The following RASAL1 variants were observed in gnomAD, a reference collection of about 807,000 sequenced individuals.
RASAL1 encodes rasGAP-activating-like protein 1.
A neutral mutation model predicts 96.6 loss-of-function variants in RASAL1; 72 were observed. The observed-to-expected ratio is 0.75, with a 90% CI of 0.62 to 0.91. The LOEUF (loss-of-function observed/expected upper bound fraction) is 0.91. Ranked by LOEUF, RASAL1 falls within the 40% of genes least tolerant of loss-of-function variation. The pLI is 0.00. For missense variants in RASAL1, 1,016 were observed against 1,072.5 expected (o/e 0.95, Z 0.74); for synonymous variants, 405 against 430.4 (o/e 0.94, Z 0.73).
rs192388437 is a variant in RASAL1, at chr12:113,115,595, A to T, written c.1003+40T>A. The stretch of plus-strand genomic sequence containing the variant: ...CCCAGGACCCTCCTGCAAGCCCACC[A>T]TTGAGGGCGGTGATGTCGGGGGTTG... On this transcript the variant is annotated intron_variant, in intron 10 of 20. Transcript: ENST00000548055. The surrounding 1 kb of genome is among the most constrained non-coding windows in gnomAD (Gnocchi z 4.1). 2.4e-5 allele frequency: 38 copies of T among 1,603,964 alleles called. 1 individual carries two copies. In the Admixed American group the frequency reaches 4.7e-4, roughly 20 times the overall value.
chr12:113,101,752 C>T (rs1052271567), intron 19 of RASAL1, 137 bp downstream of exon 19: 3 of 1,164,262 alleles, frequency 2.6e-6, no homozygotes, highest in Non-Finnish European at 3.4e-6. Context: ...ACACCCAGTC[C>T]CCACCCTGGG....
rs755482857 is a variant in RASAL1 at position 113,119,448 on chromosome 12, G to A, written c.429-5C>T. ...ATGTCTCTGGGAGCCAGGTCCCTGG[G>A]AACAGATGGGGAAAGGAGTGAGGAA... On this transcript the variant is annotated splice_polypyrimidine_tract_variant and splice_region_variant and intron_variant, in intron 5 of 20. Coordinates refer to ENST00000548055, the MANE Select transcript of RASAL1 (RefSeq NM_001301202.2). 2.5e-6 allele frequency: 4 copies of A among 1,600,098 alleles called. No homozygotes were observed. The highest frequency in any genetic ancestry group is 2.6e-6 in the Non-Finnish European group (3 of 1,171,694).
intron 8 of RASAL1, 43 bp downstream of exon 8, chr12:113,117,030 G>T (rs777155036): frequency 2.9e-5 from 42 of 1,462,818 alleles, no homozygotes; most frequent in Non-Finnish European, 3.9e-5. Flanking sequence ...ATGCTGCCCG[G>T]CATGGCTCCA....
intron 18 of RASAL1, 115 bp from the exon 19 acceptor site, chr12:113,102,124 A>G (rs2136089649): frequency 3.1e-6 from 4 of 1,306,374 alleles, no homozygotes; most frequent in East Asian, 4.7e-5. Context: ...CCTCAAACCT[A>G]CTACTTCTAG....
chr12:113,128,556 A>T (rs1293378266), intron 2 of RASAL1, among the ~76,000 whole-genome samples: 1 of 151,852 alleles, frequency 6.6e-6, no homozygotes, highest in Non-Finnish European at 1.5e-5. Context: ...ACACACCCAC[A>T]TACAGGGCCC....
At position 113,115,704 on chromosome 12, in the gene RASAL1, G is replaced by C. The variant is rs1403046328; in HGVS notation, c.934C>G (p.Leu312Val). Residue 312 changes from leucine to valine, a missense_variant, in exon 10 of 21, where the codon CTC (leucine) becomes GTC (valine). Coordinates refer to ENST00000548055, the MANE Select transcript of RASAL1 (RefSeq NM_001301202.2). This position sits in a 1 kb window ranked among gnomAD's most constrained non-coding sequence, Gnocchi z 4.1. ...CCAGCCAGTCCCCGGCCAAGAAAGAGTTTCACCAGCTTGGTGGCAAGGTCC... is the reference window on the plus strand; with the variant it reads ...CCAGCCAGTCCCCGGCCAAGAAAGACTTTCACCAGCTTGGTGGCAAGGTCC... ...RQDLATKLVK[L>V]FLGRGLAGRF... is the part of the protein sequence containing the mutation. 1.9e-6 allele frequency: 3 copies of C among 1,614,110 alleles called. No homozygotes were observed. The highest frequency in any genetic ancestry group is 2.7e-5 in the African/African-American group (2 of 75,026).
At chr12:113,133,638 G>C (rs1225291644) in intron 1 of RASAL1, among the ~76,000 whole-genome samples, 3 of 152,178 alleles carry the variant, frequency 2.0e-5, no homozygotes, top group Admixed American at 6.5e-5. Flanking sequence ...CTTAGGAGAA[G>C]AGGGAAAGAA....
In RASAL1 at chr12:113,115,804, A is replaced by T; in HGVS notation, c.850-16T>A. On this transcript the variant is annotated splice_polypyrimidine_tract_variant and intron_variant, in intron 9 of 20. Coordinates refer to ENST00000548055, the MANE Select transcript of RASAL1 (RefSeq NM_001301202.2). The surrounding 1 kb of genome is among the most constrained non-coding windows in gnomAD (Gnocchi z 4.1). Reference sequence around the variant, plus strand: ...CAGTGTCCTCCTGGGTGGGGGCGGGAGACAAAGATGACCTCGGCCCCTGGG... The same window carrying T: ...CAGTGTCCTCCTGGGTGGGGGCGGGTGACAAAGATGACCTCGGCCCCTGGG... The T allele has an allele frequency of 6.2e-7, 1 of 1,613,518 alleles. No homozygotes were observed. The highest frequency in any genetic ancestry group is 1.1e-5 in the South Asian group (1 of 91,064).
chr12:113,111,957 A>G, intron 13 of RASAL1, 129 bp downstream of exon 13: 5 of 824,822 alleles, frequency 6.1e-6, no homozygotes, highest in Non-Finnish European at 8.1e-6. Context: ...CGCTGTCCCC[A>G]CTTCTGCCAG....
chr12:113,116,547 G>A (rs1337005076), intron 8 of RASAL1, among the ~76,000 whole-genome samples: 1 of 152,214 alleles, frequency 6.6e-6, no homozygotes, highest in African/African-American at 2.4e-5. Flanking sequence ...GGGGTAGGCA[G>A]CTGTGAACAG....
intron 4 of RASAL1, among the ~76,000 whole-genome samples, chr12:113,124,663 CCT>C (rs1489568319): frequency 6.6e-6 from 1 of 152,166 alleles, no homozygotes; most frequent in Non-Finnish European, 1.5e-5. Flanking sequence ...AGTCACCTCC[CCT>C]CTCTATGCCT....
At chr12:113,114,955 G>C (rs1457633669) in intron 11 of RASAL1, 43 bp from the exon 12 acceptor site, 1 of 1,465,972 alleles carries the variant, frequency 6.8e-7, no homozygotes, top group Admixed American at 1.7e-5. Context: ...TGAGGGCGAG[G>C]CCGGGGCATG....
At chr12:113,100,600 T>A (rs2136080638) in intron 20 of RASAL1, 28 bp downstream of exon 20, 1 of 1,589,672 alleles carries the variant, frequency 6.3e-7, no homozygotes, top group East Asian at 2.2e-5. Flanking sequence ...CACCCAGCCT[T>A]TACCTTCTGA....
rs974108628 is a variant in RASAL1 at position 113,115,333 on chromosome 12, G to A, written c.1004-69C>T. 1.1e-5 allele frequency: 16 copies of A among 1,397,164 alleles called. No homozygotes were observed. The highest frequency in any genetic ancestry group is 2.8e-5 in the African/African-American group (2 of 70,444). The allele number at this position is 1,397,164 out of a possible 1,614,324, so 86.5% of individuals were successfully genotyped here. On this transcript the variant is annotated intron_variant, in intron 10 of 20. Coordinates refer to ENST00000548055, the MANE Select transcript of RASAL1 (RefSeq NM_001301202.2). The surrounding 1 kb of genome is among the most constrained non-coding windows in gnomAD (Gnocchi z 4.1). ...AACCCAGCTCACCCCACTCACCCAA[G>A]GTGGGAGTCATGATTCTTCCAGCCC...
In RASAL1 at chr12:113,099,457, G is replaced by A. The variant is rs910590106; in HGVS notation, c.*472C>T. The A allele has an allele frequency of 6.6e-6, 1 of 152,546 alleles. No homozygotes were observed. The highest frequency in any genetic ancestry group is 1.5e-5 in the Non-Finnish European group (1 of 68,288). The allele number at this position is 152,546 out of a possible 1,614,324, so 9.4% of individuals were successfully genotyped here. A position where few individuals can be genotyped will look rare whatever the true frequency, so the allele number is the denominator to read the frequency against. ...CTTGTGGTTGGAGTCCTAGGCCAAGGGCAGGGTACAGAAGAATCAGTGAGG... is the reference window on the plus strand; with the variant it reads ...CTTGTGGTTGGAGTCCTAGGCCAAGAGCAGGGTACAGAAGAATCAGTGAGG... On this transcript the variant is annotated 3_prime_UTR_variant, in exon 21 of 21. Transcript: ENST00000548055.
chr12:113,114,633 C>A (rs760431013), intron 12 of RASAL1, among the ~76,000 whole-genome samples, 167 bp downstream of exon 12: 7 of 152,194 alleles, frequency 4.6e-5, no homozygotes, highest in Non-Finnish European at 8.8e-5. Context: ...TACTACACAG[C>A]CTGATGGTTT....
chr12:113,119,232 A>T lies in RASAL1; in HGVS notation c.538T>A (p.Trp180Arg), dbSNP rs757686544. 6.2e-7 allele frequency: 1 copy of T among 1,613,550 alleles called. No homozygotes were observed. Among genetic ancestry groups the T allele is most frequent in the African/African-American group, 1.3e-5 (1 of 75,022 alleles). Residue 180 changes from tryptophan to arginine, a missense_variant, in exon 7 of 21, where the codon TGG (tryptophan) becomes AGG (arginine). By Grantham distance (101) the Trp-to-Arg change is moderately radical (BLOSUM62 -3). Transcript: ENST00000548055. ...TCCCGCAGCTCCAGCACTTCATCCC[A>T]GTGCGGGAAGCGAGTCTTCTTGATG... ...STIKKTRFPH[W>R]DEVLELREMP...
At chr12:113,112,004 T>G in intron 13 of RASAL1, 82 bp downstream of exon 13, 1 of 1,175,308 alleles carries the variant, frequency 8.5e-7, no homozygotes, top group Non-Finnish European at 1.1e-6. Context: ...TAGGTTCTGG[T>G]CACAGTTCTG....
chr12:113,103,017 G>T, intron 18 of RASAL1: 1 of 287,402 alleles, frequency 3.5e-6, no homozygotes, highest in Non-Finnish European at 6.9e-6. Flanking sequence ...CCTCCTCCAG[G>T]AAGCCCTCCT....
Sources: gnomAD v4.1 joint callset for allele counts (sites outside exome capture counted in the v4.1 genomes callset) on GRCh38, gnomAD v4.1.1 for gene constraint, Gnocchi (gnomAD v3.1) non-coding constraint, MANE v1.5 for transcripts, NCBI Gene and HGNC (gene_info 2026-07-23, HGNC 2026-07-21) for gene names.